EPHA7: variants seen among roughly 807,000 people sequenced by gnomAD.
EPHA7 encodes the protein EPH receptor A7.
A neutral mutation model predicts 112.6 loss-of-function variants in EPHA7; 25 were observed. The observed-to-expected ratio is 0.22, with a 90% CI of 0.16 to 0.31. The LOEUF is 0.31. Ranked by LOEUF, EPHA7 falls within the 10% of genes least tolerant of loss-of-function variation. The pLI, the probability that EPHA7 is intolerant of heterozygous loss-of-function variation, is 1.00. For synonymous variants in EPHA7, 437 were observed against 406.5 expected, an observed-to-expected ratio of 1.07 and a Z score of -0.90; for missense variants, 962 against 1,212.6, an observed-to-expected ratio of 0.79 and a Z score of 3.07.
rs1379597152 is a variant in EPHA7 at position 93,324,328 on chromosome 6, T to G, written c.1324+32389A>C. 2.0e-5 allele frequency among the ~76,000 whole-genome samples: 3 copies of G among 151,322 alleles called. No individual in the cohort carries two copies. The East Asian group carries it at 5.8e-4, about 29-fold the overall frequency. Reference sequence around the variant, plus strand: ...TTATACAAGAGTGGCAAAGAAAATCTCAGGTAATTTAAAAAAGTTTCTATC... The same window carrying G: ...TTATACAAGAGTGGCAAAGAAAATCGCAGGTAATTTAAAAAAGTTTCTATC... On this transcript the variant is annotated intron_variant, in intron 5 of 16. Coordinates refer to ENST00000369303, the MANE Select transcript of EPHA7 (RefSeq NM_004440.4).
chr6:93,356,866 T>C lies in EPHA7; in HGVS notation c.1175A>G (p.Gln392Arg). ...CGSNIGYMPQ[Q>R]TGLEDNYVTV... ...GACATAGTTATCCTCTAATCCAGTC[T>C]GCTGGGGCATGTATCCAATGTTACT... The change falls in exon 5 of 17, where the codon CAG (glutamine) becomes CGG (arginine). Residue 392 changes from glutamine (Q) to arginine (R), a missense_variant. Gln to Arg is a conservative substitution (Grantham distance 43, BLOSUM62 1). This residue lies in a region of EPHA7 where 746 missense variants were observed against 889.2 expected (regional missense o/e 0.84). Coordinates refer to ENST00000369303, the MANE Select transcript of EPHA7 (RefSeq NM_004440.4). 2 of 1,614,192 alleles carry C rather than the reference T, an allele frequency of 1.2e-6. No individual in the cohort carries two copies. The highest frequency in any genetic ancestry group is 1.1e-5 in the South Asian group (1 of 91,092).
intron 5 of EPHA7, among the ~76,000 whole-genome samples, chr6:93,284,453 G>A (rs1211125902): frequency 6.6e-6 from 1 of 152,084 alleles, no homozygotes; most frequent in African/African-American, 2.4e-5. Context: ...ATCAGCAGCA[G>A]CAGGGGGAGA....
chr6:93,347,948 T>C (rs1280639754), intron 5 of EPHA7, among the ~76,000 whole-genome samples: 3 of 151,626 alleles, frequency 2.0e-5, no homozygotes, highest in African/African-American at 7.3e-5. Flanking sequence ...ATCAAATAAT[T>C]TAAGAAAAGA....
At chr6:93,260,978 T>A (rs1250466583) in intron 9 of EPHA7, among the ~76,000 whole-genome samples, 1 of 151,830 alleles carries the variant, frequency 6.6e-6, no homozygotes, top group East Asian at 1.9e-4. Context: ...TTCATTTTTT[T>A]AAAATTTTGT....
intron 5 of EPHA7, among the ~76,000 whole-genome samples, chr6:93,320,047 TGATA>T (rs1451085607): frequency 6.6e-6 from 1 of 151,970 alleles, no homozygotes; most frequent in Non-Finnish European, 1.5e-5. Flanking sequence ...TAAGAAAGTA[TGATA>T]GATAATTAAA....
At chr6:93,280,093 C>T (rs1313551564) in intron 5 of EPHA7, among the ~76,000 whole-genome samples, 2 of 152,100 alleles carry the variant, frequency 1.3e-5, no homozygotes, top group Non-Finnish European at 2.9e-5. Flanking sequence ...TCAGTTACTA[C>T]CTTCCAGGAG....
At chr6:93,405,843 ATATATAT>A (rs1434183044) in intron 3 of EPHA7, among the ~76,000 whole-genome samples, 6 of 138,754 alleles carry the variant, frequency 4.3e-5, no homozygotes, top group Non-Finnish European at 9.4e-5. Flanking sequence ...ATATATATAT[ATATATAT>A]AAATGATTAT....
chr6:93,408,256 G>A (rs1261587834), intron 3 of EPHA7, among the ~76,000 whole-genome samples: 1 of 151,858 alleles, frequency 6.6e-6, no homozygotes, highest in East Asian at 1.9e-4. Context: ...TATTGAAACT[G>A]CTCCTTTCAT....
intron 5 of EPHA7, among the ~76,000 whole-genome samples, chr6:93,344,065 T>C (rs1337908274): frequency 1.3e-5 from 2 of 151,538 alleles, no homozygotes; most frequent in Non-Finnish European, 3.0e-5. Context: ...GTACATGATA[T>C]GGGACATATA....
intron 5 of EPHA7, among the ~76,000 whole-genome samples, chr6:93,311,443 C>A (rs1033373011): frequency 6.6e-6 from 1 of 152,134 alleles, no homozygotes; most frequent in African/African-American, 2.4e-5. Context: ...AAACCACTTT[C>A]TTTGCCCAAC....
intron 5 of EPHA7, among the ~76,000 whole-genome samples, chr6:93,298,413 T>C (rs1772788226): frequency 6.6e-6 from 1 of 152,080 alleles, no homozygotes; most frequent in Non-Finnish European, 1.5e-5. Context: ...CATAAACCAT[T>C]AAGCAAAAGA....
At chr6:93,263,125 T>A (rs1015068745) in intron 9 of EPHA7, among the ~76,000 whole-genome samples, 5 of 151,276 alleles carry the variant, frequency 3.3e-5, no homozygotes, top group Non-Finnish European at 7.4e-5. Flanking sequence ...GGTAAGAACA[T>A]CATCAACTAT....
intron 3 of EPHA7, among the ~76,000 whole-genome samples, chr6:93,400,274 G>A (rs889710187): frequency 6.6e-6 from 1 of 152,012 alleles, no homozygotes; most frequent in Non-Finnish European, 1.5e-5. Context: ...TTTTCTATAT[G>A]AGAACTAGTT....
intron 11 of EPHA7, 116 bp downstream of exon 11, chr6:93,257,983 A>G: frequency 2.0e-6 from 2 of 986,336 alleles, no homozygotes; most frequent in East Asian, 5.5e-5. Context: ...ATACCAAGAA[A>G]ACACATTCAT....
At chr6:93,257,623 G>A (rs1770497024) in intron 11 of EPHA7, 100 bp from the exon 12 acceptor site, 1 of 748,520 alleles carries the variant, frequency 1.3e-6, no homozygotes, top group Middle Eastern at 2.4e-4. Flanking sequence ...TTTTGAAAGA[G>A]TGAGTGTGAG....
At chr6:93,319,509 G>T (rs1773965481) in intron 5 of EPHA7, among the ~76,000 whole-genome samples, 1 of 152,124 alleles carries the variant, frequency 6.6e-6, no homozygotes, top group Non-Finnish European at 1.5e-5. Context: ...GAGGAGGTGG[G>T]ATAGGCAGCA....
At chr6:93,362,253 C>T (rs1776297820) in intron 3 of EPHA7, among the ~76,000 whole-genome samples, 1 of 151,956 alleles carries the variant, frequency 6.6e-6, no homozygotes, top group African/African-American at 2.4e-5. Flanking sequence ...ATACATGAAA[C>T]TTCTATATAC....
At chr6:93,390,359 G>A (rs959681754) in intron 3 of EPHA7, among the ~76,000 whole-genome samples, 18 of 151,396 alleles carry the variant, frequency 1.2e-4, no homozygotes, top group Non-Finnish European at 2.7e-4. Context: ...CATAAAAAAG[G>A]CAATTTGAAG....
chr6:93,373,422 C>G (rs1196230871), intron 3 of EPHA7, among the ~76,000 whole-genome samples: 1 of 152,024 alleles, frequency 6.6e-6, no homozygotes, highest in Non-Finnish European at 1.5e-5. Flanking sequence ...ATGGTGAATT[C>G]CATAAGGCAG....
Sources: allele counts gnomAD v4.1 joint callset (sites outside exome capture counted in the v4.1 genomes callset), GRCh38; gene constraint gnomAD v4.1.1; regional missense constraint gnomAD v4.1.1; transcripts MANE v1.5; gene names NCBI Gene and HGNC (gene_info 2026-07-23, HGNC 2026-07-21).